MAVS: variants seen among roughly 807,000 people sequenced by gnomAD.
MAVS encodes mitochondrial antiviral-signaling protein.
A neutral mutation model predicts 30.2 loss-of-function variants in MAVS; 20 were observed. That is an observed-to-expected ratio of 0.66 (90% confidence interval 0.47 to 0.96). MAVS has a LOEUF of 0.96. Among genes scored for constraint, MAVS ranks in the 40% least tolerant of loss-of-function variants. The pLI, the probability that MAVS is intolerant of heterozygous loss-of-function variation, is 0.00. For missense variants in MAVS, 624 were observed against 701.1 expected (o/e 0.89, Z 1.24); for synonymous variants, 278 against 293.9 (o/e 0.95, Z 0.55).
intron 3 of MAVS, among the ~76,000 whole-genome samples, chr20:3,861,010 T>G (rs1185327976): frequency 7.4e-6 from 1 of 134,284 alleles, no homozygotes; most frequent in African/African-American, 2.8e-5. Flanking sequence ...CTTTTTTTTT[T>G]TAGACGGAGT....
chr20:3,848,388 C>G (rs577078313), intron 1 of MAVS, among the ~76,000 whole-genome samples: 1 of 152,130 alleles, frequency 6.6e-6, no homozygotes, highest in Non-Finnish European at 1.5e-5. Flanking sequence ...CGTGAGCCAC[C>G]GCGCCCGGCC....
rs773301961 is a variant in MAVS, at chr20:3,867,015, G to C, written c.*868G>C. 4.4e-6 allele frequency: 2 copies of C among 456,760 alleles called. No individual in the cohort carries two copies. Among genetic ancestry groups the C allele is most frequent in the Non-Finnish European group, 8.8e-6 (2 of 226,982 alleles). The allele number at this position is 456,760 out of a possible 1,614,324, so 28.3% of individuals were successfully genotyped here. ...GAGTATCTGGCTCATTCTTCACTGG[G>C]TTCTTCTGAGATTGAACCTACAGGT... is the stretch of plus-strand genomic sequence containing the variant. On this transcript the variant is annotated 3_prime_UTR_variant, in exon 7 of 7. Transcript: ENST00000428216.
At chr20:3,860,500 G>A (rs55873637) in intron 3 of MAVS, among the ~76,000 whole-genome samples, 24,361 of 151,060 alleles carry the variant, frequency 0.16, 2,040 homozygotes, top group Middle Eastern at 0.21. Context: ...TCAGCCTCTC[G>A]AGTAGCTGGG....
At position 3,865,707 on chromosome 20, in the gene MAVS, G is replaced by A. The variant is rs143089997; in HGVS notation, c.1183G>A (p.Ala395Thr). 1.2e-5 allele frequency: 19 copies of A among 1,609,324 alleles called. No homozygotes were observed. Among genetic ancestry groups the A allele is most frequent in the Middle Eastern group, 1.8e-4 (1 of 5,604 alleles). ...GGAGACCCCAGCAGCTCCAACACCC[G>A]CCGGCGCCACTGGAGGCAGCTCAGC... ...NEETPAAPTP[A>T]GATGGSSAWL... The change falls in exon 7 of 7, where the codon GCC (alanine) becomes ACC (threonine). Residue 395 changes from alanine to threonine, a missense_variant. Transcript: ENST00000428216. The surrounding 1 kb of genome is among the most constrained non-coding windows in gnomAD (Gnocchi z 4.7).
intron 3 of MAVS, among the ~76,000 whole-genome samples, chr20:3,860,535 T>G (rs926455139): frequency 6.6e-6 from 1 of 151,572 alleles, no homozygotes; most frequent in Non-Finnish European, 1.5e-5. Context: ...CCTCCACGCC[T>G]GGCTAATTTT....
chr20:3,857,838 C>A, intron 3 of MAVS, 29 bp downstream of exon 3: 4 of 1,612,144 alleles, frequency 2.5e-6, no homozygotes, highest in Admixed American at 1.7e-5. Flanking sequence ...CCCTCCTGGA[C>A]CCCCAGCCTG....
chr20:3,865,964 G>A lies in MAVS; in HGVS notation c.1440G>A (p.Glu480=), dbSNP rs776353100. 3 of 1,613,584 alleles carry A rather than the reference G, an allele frequency of 1.9e-6. No homozygotes were observed. Among genetic ancestry groups the A allele is most frequent in the South Asian group, 2.2e-5 (2 of 91,088 alleles). Residue 480 remains glutamate (E), a synonymous_variant, in exon 7 of 7, where the codon GAG becomes GAA. Transcript: ENST00000428216. The surrounding 1 kb of genome is among the most constrained non-coding windows in gnomAD (Gnocchi z 4.7). The stretch of plus-strand genomic sequence containing the variant: ...AGAACCCCAGCATCCAGCTCCTGGA[G>A]GGCAACCCTGGGCCACCTGCGGACC... The part of the protein sequence containing the change: ...VAENPSIQLL[E]GNPGPPADPD...
rs2089889288 is a variant in MAVS, at chr20:3,864,388, CCTT to C, written c.761_763del (p.Phe254del). 5.0e-6 allele frequency: 8 copies of C among 1,614,128 alleles called. No homozygotes were observed. The highest frequency in any genetic ancestry group is 1.1e-5 in the South Asian group (1 of 91,084). On this transcript the variant is annotated inframe_deletion, in exon 6 of 7. Transcript: ENST00000428216. Reference sequence around the variant, plus strand: ...GGGTCAGTTGTATCTACTGGCACCTCCTTCTCCTCCTCATCCCCTGGCTTGGCC... The same window carrying C: ...GGGTCAGTTGTATCTACTGGCACCTCCTCCTCCTCATCCCCTGGCTTGGCC...
intron 1 of MAVS, among the ~76,000 whole-genome samples, chr20:3,852,012 C>CTTTT (rs1335411170): frequency 2.8e-4 from 9 of 32,622 alleles, no homozygotes; most frequent in Non-Finnish European, 4.1e-4. Context: ...TTTTTTCCCC[C>CTTTT]GAGACGGAAT....
rs1413847693 is a variant in MAVS, at chr20:3,876,016, ATTAC to A, written c.*9872_*9875del. ...AGATAAACTGGTAATTGGTGAAAGA[ATTAC>A]TTTAATTTTTTTTCCTACTTGCTGT... is the stretch of plus-strand genomic sequence containing the variant. On this transcript the variant is annotated 3_prime_UTR_variant, in exon 7 of 7. Transcript: ENST00000428216. 1.3e-5 allele frequency: 2 copies of A among 152,336 alleles called. No homozygotes were observed. The highest frequency in any genetic ancestry group is 2.9e-5 in the Non-Finnish European group (2 of 68,030). The allele number at this position is 152,336 out of a possible 1,614,324, so 9.4% of individuals were successfully genotyped here. A position where few individuals can be genotyped will look rare whatever the true frequency, so the allele number is the denominator to read the frequency against.
In MAVS at chr20:3,857,793, C is replaced by T. The variant is rs2089825090; in HGVS notation, c.276C>T (p.Tyr92=). ...VDLADEVASV[Y]QSYQPRTSDR... is the part of the protein sequence containing the mutation. Reference sequence around the variant, plus strand: ...TCGCGGACGAAGTGGCCTCTGTCTACCAGAGCTACCAGCCTCGTGAGCGTC... The same window carrying T: ...TCGCGGACGAAGTGGCCTCTGTCTATCAGAGCTACCAGCCTCGTGAGCGTC... The change falls in exon 3 of 7, where the codon TAC becomes TAT. Residue 92 remains tyrosine, a synonymous_variant. Transcript: ENST00000428216. The T allele has an allele frequency of 1.9e-6, 3 of 1,614,082 alleles. No individual in the cohort carries two copies. Among genetic ancestry groups the T allele is most frequent in the South Asian group, 1.1e-5 (1 of 91,082 alleles).
chr20:3,859,837 A>G (rs1452315986), intron 3 of MAVS, among the ~76,000 whole-genome samples: 14 of 150,510 alleles, frequency 9.3e-5, no homozygotes, highest in East Asian at 3.9e-4. Context: ...TTTTTTTTGA[A>G]ATGGAGTTTC....
chr20:3,861,751 G>T (rs1257984527), intron 4 of MAVS, among the ~76,000 whole-genome samples: 1 of 151,820 alleles, frequency 6.6e-6, no homozygotes, highest in Non-Finnish European at 1.5e-5. Context: ...TTTTGTGTGT[G>T]TGTGTGTGTG....
rs752018252 is a variant in MAVS at position 3,864,374 on chromosome 20, A to G, written c.744A>G (p.Val248=). ...SRLPGPTGSV[V]STGTSFSSSS... is the part of the protein sequence containing the mutation. ...TGCCTGGACCCACAGGGTCAGTTGT[A>G]TCTACTGGCACCTCCTTCTCCTCCT... The change falls in exon 6 of 7, where the codon GTA becomes GTG. Residue 248 remains valine, a synonymous_variant. Transcript: ENST00000428216. 1 of 1,613,978 alleles carries G rather than the reference A, an allele frequency of 6.2e-7. No individual in the cohort carries two copies. Among genetic ancestry groups the G allele is most frequent in the East Asian group, 2.2e-5 (1 of 44,858 alleles).
Position 3,866,010 on chromosome 20 carries a change from C to G in MAVS, c.1486C>G (p.Gln496Glu). ...PADPDGGPRP[Q>E]ADRKFQEREV... ...GGACCCGGATGGCGGCCCCAGGCCACAAGCCGACCGGAAGTTCCAGGAGAG... is the reference window on the plus strand; with the variant it reads ...GGACCCGGATGGCGGCCCCAGGCCAGAAGCCGACCGGAAGTTCCAGGAGAG... The change falls in exon 7 of 7, where the codon CAA becomes GAA. Residue 496 changes from glutamine to glutamate, a missense_variant. Physicochemically the swap from Gln to Glu is conservative, Grantham distance 29. Transcript: ENST00000428216. 1 of 1,612,894 alleles carries G rather than the reference C, an allele frequency of 6.2e-7. No individual in the cohort carries two copies. Among genetic ancestry groups the G allele is most frequent in the Non-Finnish European group, 8.5e-7 (1 of 1,180,000 alleles).
chr20:3,852,590 C>T (rs1200575731), intron 1 of MAVS, among the ~76,000 whole-genome samples: 3 of 152,240 alleles, frequency 2.0e-5, no homozygotes. Context: ...ATCCCCCCAC[C>T]GCATGTGCTA....
intron 3 of MAVS, among the ~76,000 whole-genome samples, chr20:3,860,049 C>T (rs1042671660): frequency 2.0e-5 from 3 of 152,136 alleles, no homozygotes; most frequent in Non-Finnish European, 4.4e-5. Context: ...GATCTCCTGA[C>T]CTCGTGATCC....
intron 1 of MAVS, among the ~76,000 whole-genome samples, chr20:3,851,398 C>T (rs774252131): frequency 3.4e-5 from 5 of 148,952 alleles, no homozygotes; most frequent in Admixed American, 6.8e-5. Flanking sequence ...CCCAGCTACT[C>T]GGGAGGCTGA....
intron 2 of MAVS, among the ~76,000 whole-genome samples, 175 bp downstream of exon 2, chr20:3,854,916 G>A (rs559533874): frequency 2.3e-4 from 24 of 103,564 alleles, no homozygotes; most frequent in Non-Finnish European, 3.2e-4. Context: ...TTTTGAGATT[G>A]AGTCTCGTTC....
Sources: allele counts gnomAD v4.1 joint callset (sites outside exome capture counted in the v4.1 genomes callset), GRCh38; gene constraint gnomAD v4.1.1; non-coding constraint Gnocchi (gnomAD v3.1); transcripts MANE v1.5; gene names NCBI Gene and HGNC (gene_info 2026-07-23, HGNC 2026-07-21).